The following SLIT1 variants were observed in gnomAD, a reference collection of about 807,000 sequenced individuals.
The protein encoded by SLIT1 is slit homolog 1 protein.
A neutral mutation model predicts 186.1 loss-of-function variants in SLIT1; 66 were observed. The ratio of observed to expected loss-of-function variants is 0.35; its 90% CI spans 0.29 to 0.44. The LOEUF (loss-of-function observed/expected upper bound fraction) is 0.44, where lower values mean the gene tolerates loss of function less well. SLIT1 is among the 20% of genes least tolerant of loss of function. The pLI is 1.00. For missense variants in SLIT1, 1,638 were observed against 2,037.4 expected (o/e 0.80, Z 3.77); for synonymous variants, 761 against 833.8 (o/e 0.91, Z 1.50).
intron 24 of SLIT1, 55 bp from the exon 25 acceptor site, chr10:97,030,883 G>A: frequency 2.7e-6 from 4 of 1,478,280 alleles, no homozygotes; most frequent in Non-Finnish European, 3.8e-6. Context: ...TGGGAGACCT[G>A]CTGGAGGGAG....
rs572609956 is a variant in SLIT1 at position 97,004,389 on chromosome 10, C to G, written c.3711-167G>C. ...CTATCGCATGATCCCTTTCACTCCC[C>G]TTCTTTGACTCCCTGGGGAAGGCTG... On this transcript the variant is annotated intron_variant, in intron 33 of 36. Coordinates refer to ENST00000266058, the MANE Select transcript of SLIT1 (RefSeq NM_003061.3). The surrounding 1 kb of genome is among the most constrained non-coding windows in gnomAD (Gnocchi z 5.1). Among the ~76,000 whole-genome samples the G allele has an allele frequency of 1.3e-5, 2 of 152,284 alleles. No homozygotes were observed. Among genetic ancestry groups the G allele is most frequent in the South Asian group, 4.2e-4 (2 of 4,818 alleles).
intron 1 of SLIT1, among the ~76,000 whole-genome samples, chr10:97,179,803 C>CG (rs1554855911): frequency 2.0e-5 from 3 of 149,266 alleles, no homozygotes; most frequent in East Asian, 2.0e-4. Context: ...CACACCCTCC[C>CG]CGCCCCCCGG....
chr10:97,082,697 G>C (rs1364208539), intron 4 of SLIT1, among the ~76,000 whole-genome samples: 1 of 152,154 alleles, frequency 6.6e-6, no homozygotes, highest in African/African-American at 2.4e-5. Flanking sequence ...GCCTCCCAAA[G>C]TGCTGGGATT....
intron 4 of SLIT1, among the ~76,000 whole-genome samples, chr10:97,107,266 C>T (rs760761590): frequency 1.3e-4 from 20 of 152,370 alleles, no homozygotes; most frequent in Admixed American, 2.6e-4. Flanking sequence ...GATGGAATGG[C>T]ACATGGCAAC....
At chr10:97,105,820 C>T (rs972086311) in intron 4 of SLIT1, among the ~76,000 whole-genome samples, 1 of 152,204 alleles carries the variant, frequency 6.6e-6, no homozygotes, top group Non-Finnish European at 1.5e-5. Flanking sequence ...AGGTTAGCCT[C>T]AGCCCAGACC....
At chr10:97,005,700 A>G (rs2134587937) in intron 32 of SLIT1, among the ~76,000 whole-genome samples, 1 of 152,342 alleles carries the variant, frequency 6.6e-6, no homozygotes, top group African/African-American at 2.4e-5. Context: ...CGGTTAGGCT[A>G]GCTGTTGTCT....
chr10:97,183,005 C>T (rs1850362268), intron 1 of SLIT1, among the ~76,000 whole-genome samples: 1 of 151,876 alleles, frequency 6.6e-6, no homozygotes, highest in Non-Finnish European at 1.5e-5. Context: ...AGAAAGCAGG[C>T]CCCATGACCT....
At position 97,184,084 on chromosome 10, in the gene SLIT1, T is replaced by C. The variant is rs112636466; in HGVS notation, c.197+1394A>G. Among the ~76,000 whole-genome samples, 174 of 148,334 alleles carry C rather than the reference T, an allele frequency of 1.2e-3. No homozygotes were observed. The highest frequency in any genetic ancestry group is 3.7e-3 in the African/African-American group (148 of 40,054). Reference sequence around the variant, plus strand: ...CTTCCCATCTAGATTGCATCTAGATTGCAAATTCTCTAAAACCTCCACGGG... The same window carrying C: ...CTTCCCATCTAGATTGCATCTAGATCGCAAATTCTCTAAAACCTCCACGGG... On this transcript the variant is annotated intron_variant, in intron 1 of 36. Transcript: ENST00000266058. This position sits in a 1 kb window ranked among gnomAD's most constrained non-coding sequence, Gnocchi z 4.4.
intron 13 of SLIT1, among the ~76,000 whole-genome samples, chr10:97,049,959 C>T (rs1241588605): frequency 6.6e-6 from 1 of 152,156 alleles, no homozygotes; most frequent in Admixed American, 6.5e-5. Flanking sequence ...TTCAGACCAG[C>T]TACCTCTGAG....
intron 23 of SLIT1, among the ~76,000 whole-genome samples, chr10:97,032,339 T>C (rs1036015662): frequency 2.0e-5 from 3 of 152,038 alleles, no homozygotes; most frequent in African/African-American, 4.8e-5. Flanking sequence ...GAAGCTGAGG[T>C]GGGCGGATCA....
At chr10:97,032,878 C>A (rs1848604430) in intron 23 of SLIT1, among the ~76,000 whole-genome samples, 1 of 152,172 alleles carries the variant, frequency 6.6e-6, no homozygotes, top group African/African-American at 2.4e-5. Context: ...TCAAAATAAT[C>A]ATGCTGGGCG....
chr10:97,035,270 CT>C (rs573766873), intron 22 of SLIT1, among the ~76,000 whole-genome samples: 51 of 152,314 alleles, frequency 3.3e-4, no homozygotes, highest in South Asian at 2.1e-3. Context: ...CATCTGTGCC[CT>C]GTTTAGTCCA....
At position 96,999,294 on chromosome 10, in the gene SLIT1, G is replaced by C. The variant is rs1848278560; in HGVS notation, c.*1818C>G. 6.6e-6 allele frequency: 1 copy of C among 152,280 alleles called. No individual in the cohort carries two copies. The highest frequency in any genetic ancestry group is 2.1e-4 in the South Asian group (1 of 4,832). The allele number at this position is 152,280 out of a possible 1,614,324, so 9.4% of individuals were successfully genotyped here. On this transcript the variant is annotated 3_prime_UTR_variant, in exon 37 of 37. Transcript: ENST00000266058. ...TGAGGACACCTGCCACATTGGGCAG[G>C]GCACTGCCCTCTTCCCATCACAGGG...
intron 34 of SLIT1, among the ~76,000 whole-genome samples, chr10:97,003,636 C>G (rs898216426): frequency 1.3e-5 from 2 of 152,158 alleles, no homozygotes; most frequent in African/African-American, 4.8e-5. Context: ...GGTCATCTAG[C>G]CTGCAAAGCC....
intron 4 of SLIT1, among the ~76,000 whole-genome samples, chr10:97,101,141 C>T (rs1481490796): frequency 6.6e-6 from 1 of 152,150 alleles, no homozygotes; most frequent in South Asian, 2.1e-4. Flanking sequence ...TCAGAAGCCT[C>T]GCAAGGAGAC....
rs1351643504 is a variant in SLIT1 at position 97,170,075 on chromosome 10, C to T, written c.198-5185G>A. 2.6e-5 allele frequency among the ~76,000 whole-genome samples: 4 copies of T among 152,342 alleles called. No individual in the cohort carries two copies. The South Asian group carries it at 6.2e-4, about 24-fold the overall frequency. Reference sequence around the variant, plus strand: ...TTTGGAGAGGACACGGCTGCACAGGCGCTCTGTAATAAAACCATGTGCTTT... The same window carrying T: ...TTTGGAGAGGACACGGCTGCACAGGTGCTCTGTAATAAAACCATGTGCTTT... On this transcript the variant is annotated intron_variant, in intron 1 of 36. Transcript: ENST00000266058.
chr10:97,064,779 T>G lies in SLIT1; in HGVS notation c.557+26A>C, dbSNP rs1209785491. The G allele has an allele frequency of 1.9e-6, 3 of 1,579,062 alleles. No individual in the cohort carries two copies. The South Asian group carries it at 3.5e-5, about 18-fold the overall frequency. On this transcript the variant is annotated intron_variant, in intron 6 of 36. Coordinates refer to ENST00000266058, the MANE Select transcript of SLIT1 (RefSeq NM_003061.3). ...TGCCTAGCAGGGCCCTCCACACCCC[T>G]CCTTCCTTTTCCATGCTTTACTTAC...
chr10:97,050,451 A>G (rs1468341475), intron 13 of SLIT1, among the ~76,000 whole-genome samples: 1 of 152,130 alleles, frequency 6.6e-6, no homozygotes, highest in Non-Finnish European at 1.5e-5. Flanking sequence ...TCTCCTTTGC[A>G]GTGTCTTTCC....
intron 1 of SLIT1, among the ~76,000 whole-genome samples, chr10:97,166,623 G>GAAGAAA (rs3979552): frequency 9.4e-5 from 4 of 42,660 alleles, no homozygotes; most frequent in African/African-American, 3.8e-4. Flanking sequence ...AAGAAAGAAA[G>GAAGAAA]AGAAAAGAAA....
Sources: gnomAD v4.1 joint callset for allele counts (sites outside exome capture counted in the v4.1 genomes callset) on GRCh38, gnomAD v4.1.1 for gene constraint, Gnocchi (gnomAD v3.1) non-coding constraint, MANE v1.5 for transcripts, NCBI Gene and HGNC (gene_info 2026-07-23, HGNC 2026-07-21) for gene names.